Variants in TTBK2 observed in about 807,000 individuals in gnomAD.
The protein encoded by TTBK2 is tau tubulin kinase 2, also known as tau-tubulin kinase 2.
In TTBK2, 28 loss-of-function variants were observed where a neutral mutation model predicts 110.8. The ratio of observed to expected loss-of-function variants is 0.25; its 90% confidence interval spans 0.19 to 0.35. The LOEUF (loss-of-function observed/expected upper bound fraction) is 0.35, where lower values mean the gene tolerates loss of function less well. TTBK2 is among the 10% of genes least tolerant of loss of function. The probability of loss-of-function intolerance (pLI) is 1.00; values close to 1 mark genes in which losing one functional copy is unlikely to be tolerated. For missense variants in TTBK2, 1,369 were observed against 1,500.3 expected (o/e 0.91, Z 1.45); for synonymous variants, 532 against 527.3 (o/e 1.01, Z -0.12).
At chr15:42,808,291 T>G (rs937919170) in intron 9 of TTBK2, among the ~76,000 whole-genome samples, 1 of 152,202 alleles carries the variant, frequency 6.6e-6, no homozygotes, top group Admixed American at 6.5e-5. Flanking sequence ...TGGCAAGATA[T>G]TCCAATTTTT....
intron 13 of TTBK2, among the ~76,000 whole-genome samples, chr15:42,760,547 C>G (rs2062012196): frequency 6.6e-6 from 1 of 151,810 alleles, no homozygotes; most frequent in South Asian, 2.1e-4. Flanking sequence ...TGAAGAAAAC[C>G]TACAGGATCT....
In TTBK2 at chr15:42,746,265, G is replaced by T; in HGVS notation, c.3273-8C>A. The T allele has an allele frequency of 1.3e-6, 2 of 1,594,962 alleles. No individual in the cohort carries two copies. Among genetic ancestry groups the T allele is most frequent in the Non-Finnish European group, 1.7e-6 (2 of 1,165,032 alleles). ...ACTTTATATCTGCGTAGCCTTAAAA[G>T]AACAGAGAAAATATATTTTAATTTT... On this transcript the variant is annotated splice_region_variant and splice_polypyrimidine_tract_variant and intron_variant, in intron 14 of 14. Coordinates refer to ENST00000267890, the MANE Select transcript of TTBK2 (RefSeq NM_173500.4).
intron 13 of TTBK2, among the ~76,000 whole-genome samples, chr15:42,755,499 C>T (rs2061933694): frequency 6.7e-6 from 1 of 150,284 alleles, no homozygotes; most frequent in African/African-American, 2.5e-5. Context: ...CTAAGTCCAG[C>T]CCAGGAAAAA....
intron 6 of TTBK2, among the ~76,000 whole-genome samples, chr15:42,826,699 T>C (rs1363544336): frequency 1.3e-5 from 2 of 152,256 alleles, no homozygotes; most frequent in East Asian, 1.9e-4. Flanking sequence ...TATCTGACCA[T>C]GTGACAGCCC....
intron 6 of TTBK2, among the ~76,000 whole-genome samples, chr15:42,823,818 G>A (rs1047726772): frequency 5.9e-5 from 9 of 151,586 alleles, no homozygotes; most frequent in Admixed American, 5.3e-4. Flanking sequence ...TTCCAATGTG[G>A]CCCAGGGAAG....
intron 13 of TTBK2, among the ~76,000 whole-genome samples, chr15:42,769,934 G>T (rs1380796709): frequency 6.6e-6 from 1 of 152,138 alleles, no homozygotes; most frequent in Non-Finnish European, 1.5e-5. Context: ...TAAAAAGGAT[G>T]AGTTCATGTC....
At chr15:42,863,792 CT>C (rs1481619604) in intron 3 of TTBK2, among the ~76,000 whole-genome samples, 2 of 152,176 alleles carry the variant, frequency 1.3e-5, no homozygotes, top group Admixed American at 6.6e-5. Flanking sequence ...CTATAACCAA[CT>C]GATCTTTGAC....
At chr15:42,908,045 C>CA (rs1178389233) in intron 1 of TTBK2, among the ~76,000 whole-genome samples, 2 of 152,156 alleles carry the variant, frequency 1.3e-5, no homozygotes, top group East Asian at 3.9e-4. Context: ...AAAATCATGC[C>CA]ACTGCACTCC....
chr15:42,918,616 C>T (rs970883358), intron 1 of TTBK2, among the ~76,000 whole-genome samples: 3 of 152,142 alleles, frequency 2.0e-5, no homozygotes, highest in African/African-American at 7.2e-5. Flanking sequence ...CTTATCATTG[C>T]CACATTTTTA....
At chr15:42,814,331 C>G (rs1216204483) in intron 7 of TTBK2, among the ~76,000 whole-genome samples, 1 of 152,158 alleles carries the variant, frequency 6.6e-6, no homozygotes. Flanking sequence ...GTAATCCCAG[C>G]ACTTTCGGGG....
At position 42,745,724 on chromosome 15, in the gene TTBK2, A is replaced by G; in HGVS notation, c.*71T>C. On this transcript the variant is annotated 3_prime_UTR_variant, in exon 15 of 15. Transcript: ENST00000267890. The stretch of plus-strand genomic sequence containing the variant: ...TCAACACTGATTTTTTTACATAGAA[A>G]GTACAGGGACACACATGCATCAGGT... 1.3e-6 allele frequency: 2 copies of G among 1,557,324 alleles called. No individual in the cohort carries two copies. Among genetic ancestry groups the G allele is most frequent in the Non-Finnish European group, 1.8e-6 (2 of 1,130,096 alleles).
At chr15:42,776,993 C>T in intron 12 of TTBK2, 38 bp downstream of exon 12, 1 of 1,579,892 alleles carries the variant, frequency 6.3e-7, no homozygotes, top group Non-Finnish European at 8.7e-7. Context: ...ATAATGGTAC[C>T]TTAGAAGCTT....
At chr15:42,790,955 C>G (rs1890646018) in intron 10 of TTBK2, among the ~76,000 whole-genome samples, 1 of 152,196 alleles carries the variant, frequency 6.6e-6, no homozygotes, top group Admixed American at 6.5e-5. Context: ...TCAATCTCAG[C>G]TCACTGCAAG....
intron 13 of TTBK2, among the ~76,000 whole-genome samples, chr15:42,763,165 T>TATATATATATAC (rs1889141542): frequency 7.8e-5 from 1 of 12,768 alleles, no homozygotes; most frequent in Non-Finnish European, 1.5e-4. Context: ...TACATATATA[T>TATATATATATAC]ATATATATAT....
intron 1 of TTBK2, among the ~76,000 whole-genome samples, chr15:42,917,235 A>G (rs1408662629): frequency 4.6e-5 from 7 of 152,174 alleles, no homozygotes; most frequent in African/African-American, 1.7e-4. Context: ...AAGGTTAAAA[A>G]AAAAATCACA....
intron 10 of TTBK2, among the ~76,000 whole-genome samples, chr15:42,791,227 A>G (rs1890667258): frequency 6.6e-6 from 1 of 152,036 alleles, no homozygotes; most frequent in Non-Finnish European, 1.5e-5. Flanking sequence ...ACCATATTGG[A>G]CAGGCTGGTC....
chr15:42,909,615 C>T (rs1005954441), intron 1 of TTBK2, among the ~76,000 whole-genome samples: 2 of 152,016 alleles, frequency 1.3e-5, no homozygotes, highest in African/African-American at 4.8e-5. Context: ...TTGCACTTAC[C>T]GCAAAACTAC....
chr15:42,832,801 C>T (rs1175586256), intron 4 of TTBK2, among the ~76,000 whole-genome samples: 1 of 152,120 alleles, frequency 6.6e-6, no homozygotes, highest in Non-Finnish European at 1.5e-5. Flanking sequence ...CCATTAATCA[C>T]TTAGTGGCCC....
At chr15:42,765,286 A>G (rs1199762009) in intron 13 of TTBK2, among the ~76,000 whole-genome samples, 1 of 152,244 alleles carries the variant, frequency 6.6e-6, no homozygotes, top group African/African-American at 2.4e-5. Context: ...TGACAGAAGT[A>G]GGCTTCAGAA....
Sources: gnomAD v4.1 joint callset for allele counts (sites outside exome capture counted in the v4.1 genomes callset) on GRCh38, gnomAD v4.1.1 for gene constraint, MANE v1.5 for transcripts, NCBI Gene and HGNC (gene_info 2026-07-23, HGNC 2026-07-21) for gene names.